MYCBP2: variants seen among roughly 807,000 people sequenced by gnomAD.
MYCBP2 encodes MYC binding protein 2.
In MYCBP2, 120 loss-of-function variants were observed where a neutral mutation model predicts 525.3. The observed-to-expected ratio is 0.23, with a 90% CI of 0.20 to 0.27. The LOEUF is 0.27. Ranked by LOEUF, MYCBP2 falls within the 10% of genes least tolerant of loss-of-function variation. The probability of loss-of-function intolerance (pLI) is 1.00; values close to 1 mark genes in which losing one functional copy is unlikely to be tolerated. For missense variants in MYCBP2, 4,149 were observed against 5,657.1 expected (o/e 0.73, Z 8.55); for synonymous variants, 1,894 against 1,955.8 (o/e 0.97, Z 0.83).
rs114386691 is a variant in MYCBP2 at position 77,299,736 on chromosome 13, G to A, written c.303-3062C>T. Reference sequence around the variant, plus strand: ...TAGGGCTTTATATTCTAAATCAATCGAAGCTTAATGAAGAATGTCTGGAAT... The same window carrying A: ...TAGGGCTTTATATTCTAAATCAATCAAAGCTTAATGAAGAATGTCTGGAAT... On this transcript the variant is annotated intron_variant, in intron 1 of 82. Transcript: ENST00000544440. Among the ~76,000 whole-genome samples, 366 of 152,180 alleles carry A rather than the reference G, an allele frequency of 2.4e-3. 4 individuals are homozygous for A. Among genetic ancestry groups the A allele is most frequent in the African/African-American group, 8.5e-3 (355 of 41,542 alleles).
chr13:77,322,713 C>A (rs763566239), intron 1 of MYCBP2, among the ~76,000 whole-genome samples: 1 of 152,168 alleles, frequency 6.6e-6, no homozygotes, highest in Non-Finnish European at 1.5e-5. Flanking sequence ...AAAAGGTAGA[C>A]GTGAACTAAG....
rs1555383651 is a variant in MYCBP2, at chr13:77,174,910, T to TAATATATATTATATATATTTTAAATATA, written c.5473-422_5473-421insTATATTTAAAATATATATAATATATATT. Reference sequence around the variant, plus strand: ...GAATATTAGCCATACTATATATATATAATATATATTATATATATATAATAT... The same window carrying TAATATATATTATATATATTTTAAATATA: ...GAATATTAGCCATACTATATATATATAATATATATTATATATATTTTAAATATAAATATATATTATATATATATAATAT... On this transcript the variant is annotated intron_variant, in intron 36 of 82. Coordinates refer to ENST00000544440, the MANE Select transcript of MYCBP2 (RefSeq NM_015057.5). Among the ~76,000 whole-genome samples the TAATATATATTATATATATTTTAAATATA allele has an allele frequency of 2.4e-4, 20 of 83,892 alleles. 1 individual carries two copies. Among genetic ancestry groups the TAATATATATTATATATATTTTAAATATA allele is most frequent in the African/African-American group, 5.6e-4 (8 of 14,182 alleles). 55.0% of individuals were successfully genotyped at this position (83,892 alleles called of 152,430 possible). A position where few individuals can be genotyped will look rare whatever the true frequency, so the allele number is the denominator to read the frequency against.
At chr13:77,137,804 G>T (rs1025120713) in intron 52 of MYCBP2, among the ~76,000 whole-genome samples, 1 of 152,070 alleles carries the variant, frequency 6.6e-6, no homozygotes, top group Admixed American at 6.5e-5. Context: ...TGGCCAGGCT[G>T]GTCTCCTGAC....
chr13:77,311,836 C>A (rs2080273599), intron 1 of MYCBP2, among the ~76,000 whole-genome samples: 1 of 151,914 alleles, frequency 6.6e-6, no homozygotes, highest in Admixed American at 6.6e-5. Flanking sequence ...AGAAGAAAGA[C>A]ACAATGGTAG....
rs1555376500 is a variant in MYCBP2 at position 77,167,025 on chromosome 13, A to ACACC, written c.6115-472_6115-471insGGTG. 1.3e-3 allele frequency among the ~76,000 whole-genome samples: 152 copies of ACACC among 113,052 alleles called. 2 individuals are homozygous for ACACC. The highest frequency in any genetic ancestry group is 4.2e-3 in the African/African-American group (105 of 25,154). 74.2% of individuals were successfully genotyped at this position (113,052 alleles called of 152,430 possible). A position where few individuals can be genotyped will look rare whatever the true frequency, so the allele number is the denominator to read the frequency against. ...CACACACACACACACACACACACAC[A>ACACC]CCAAATGAAATAATTTAATGATTTT... On this transcript the variant is annotated intron_variant, in intron 40 of 82. Coordinates refer to ENST00000544440, the MANE Select transcript of MYCBP2 (RefSeq NM_015057.5).
chr13:77,273,698 C>T (rs1035481002), intron 4 of MYCBP2, 30 bp from the exon 5 acceptor site: 19 of 1,411,780 alleles, frequency 1.3e-5, no homozygotes, highest in Non-Finnish European at 1.8e-5. Flanking sequence ...CAATTATATT[C>T]ATCCAACATA....
intron 10 of MYCBP2, 59 bp from the exon 11 acceptor site, chr13:77,262,188 A>G: frequency 7.3e-7 from 1 of 1,370,852 alleles, no homozygotes; most frequent in Non-Finnish European, 1.0e-6. Context: ...TCTAAATACA[A>G]CATGCACTAT....
Position 77,102,267 on chromosome 13 carries a change from T to C in MYCBP2, c.8141-3254A>G, listed in dbSNP as rs112625408. On this transcript the variant is annotated intron_variant, in intron 55 of 82. Coordinates refer to ENST00000544440, the MANE Select transcript of MYCBP2 (RefSeq NM_015057.5). ...TGCTATTACACACAATACTATATACTATATAGCACAGGTTGTACAATACTA... is the reference window on the plus strand; with the variant it reads ...TGCTATTACACACAATACTATATACCATATAGCACAGGTTGTACAATACTA... Among the ~76,000 whole-genome samples, 3 of 151,886 alleles carry C rather than the reference T, an allele frequency of 2.0e-5. 1 individual carries two copies. The highest frequency in any genetic ancestry group is 7.2e-5 in the African/African-American group (3 of 41,532).
chr13:77,071,271 G>GCACGCACA (rs1555305948), intron 68 of MYCBP2, among the ~76,000 whole-genome samples: 9 of 142,736 alleles, frequency 6.3e-5, no homozygotes, highest in Non-Finnish European at 1.2e-4. Flanking sequence ...GTGTGCACAC[G>GCACGCACA]CACACACACA....
chr13:77,094,198 T>C (rs1594471792), intron 58 of MYCBP2, among the ~76,000 whole-genome samples: 2 of 152,174 alleles, frequency 1.3e-5, no homozygotes, highest in South Asian at 4.1e-4. Flanking sequence ...GAACTGTTGG[T>C]CGGCAAGCCA....
At position 77,180,133 on chromosome 13, in the gene MYCBP2, T is replaced by A. The variant is rs901395441; in HGVS notation, c.5127A>T (p.Gly1709=). ...TCAAAATATAATGTATTACCTCAGA[T>A]CCCAGGGCTGACGCTGTCAGTTCAC... ...IVSELTASAL[G]SEVDGLNSLH... The change falls in exon 34 of 83, where the codon GGA becomes GGT. Residue 1709 remains glycine, a synonymous_variant. Transcript: ENST00000544440. 4.3e-6 allele frequency: 7 copies of A among 1,613,136 alleles called. No homozygotes were observed. Among genetic ancestry groups the A allele is most frequent in the Middle Eastern group, 1.7e-4 (1 of 6,026 alleles).
chr13:77,073,647 G>GAT (rs1566396335), intron 68 of MYCBP2, among the ~76,000 whole-genome samples: 1 of 151,938 alleles, frequency 6.6e-6, no homozygotes, highest in Non-Finnish European at 1.5e-5. Context: ...ACCCCAAAGA[G>GAT]TCTATAAAAA....
intron 19 of MYCBP2, 146 bp downstream of exon 19, chr13:77,225,288 TA>T: frequency 1.0e-6 from 1 of 961,530 alleles, no homozygotes; most frequent in Non-Finnish European, 1.5e-6. Flanking sequence ...GATTCTGTAA[TA>T]AATACAAAGG....
At chr13:77,146,301 TG>T in intron 47 of MYCBP2, 84 bp from the exon 48 acceptor site, 1 of 896,808 alleles carries the variant, frequency 1.1e-6, no homozygotes, top group Non-Finnish European at 1.6e-6. Flanking sequence ...ATTCAATAAA[TG>T]GTTGTGAGAC....
intron 82 of MYCBP2, among the ~76,000 whole-genome samples, chr13:77,049,475 C>T (rs2036276164): frequency 6.6e-6 from 1 of 152,150 alleles, no homozygotes. Flanking sequence ...AAGCAACTTT[C>T]CCTAGTCTCT....
chr13:77,087,960 T>A (rs928628557), intron 61 of MYCBP2, among the ~76,000 whole-genome samples: 4 of 151,972 alleles, frequency 2.6e-5, no homozygotes, highest in African/African-American at 9.7e-5. Context: ...TTAAAACTTT[T>A]TTTTTGTAGA....
chr13:77,220,008 T>C (rs17067316), intron 20 of MYCBP2, among the ~76,000 whole-genome samples: 5,172 of 152,196 alleles, frequency 0.034, 292 homozygotes, highest in African/African-American at 0.12. Context: ...TTAATGACCA[T>C]TGTACAGGAA....
intron 1 of MYCBP2, among the ~76,000 whole-genome samples, chr13:77,299,686 A>G (rs1254206087): frequency 6.6e-6 from 1 of 152,166 alleles, no homozygotes; most frequent in Admixed American, 6.5e-5. Context: ...CACATTAACA[A>G]TTTAACTTGG....
intron 3 of MYCBP2, 145 bp downstream of exon 3, chr13:77,288,016 C>T: frequency 1.3e-6 from 1 of 770,134 alleles, no homozygotes; most frequent in East Asian, 2.5e-5. Flanking sequence ...TTTTCTGCTC[C>T]AAATCTATTT....
Sources: gnomAD v4.1 joint callset for allele counts (sites outside exome capture counted in the v4.1 genomes callset) on GRCh38, gnomAD v4.1.1 for gene constraint, MANE v1.5 for transcripts, NCBI Gene and HGNC (gene_info 2026-07-23, HGNC 2026-07-21) for gene names.